ATG4B: variants seen among roughly 807,000 people sequenced by gnomAD.
ATG4B encodes the protein cysteine protease ATG4B.
In ATG4B, 29 loss-of-function variants were observed where a neutral mutation model predicts 56.6. The observed-to-expected ratio is 0.51, with a 90% CI of 0.38 to 0.70. The LOEUF (loss-of-function observed/expected upper bound fraction) is 0.70. Among genes scored for constraint, ATG4B ranks in the 30% least tolerant of loss-of-function variants. The pLI is 0.00. For missense variants in ATG4B, 461 were observed against 515.5 expected (o/e 0.89, Z 1.02); for synonymous variants, 224 against 206.1 (o/e 1.09, Z -0.74).
At chr2:241,648,824 C>G (rs950651491) in intron 1 of ATG4B, among the ~76,000 whole-genome samples, 3 of 152,138 alleles carry the variant, frequency 2.0e-5, no homozygotes, top group African/African-American at 7.2e-5. Context: ...TCTGCCTGCA[C>G]CGAGGGAGAT....
chr2:241,643,653 T>C (rs2067972430), intron 1 of ATG4B, among the ~76,000 whole-genome samples: 1 of 107,386 alleles, frequency 9.3e-6, no homozygotes, highest in Non-Finnish European at 1.8e-5. Context: ...TATGTATAAA[T>C]ATATATATAC....
At chr2:241,660,113 C>T (rs2068545110) in intron 7 of ATG4B, among the ~76,000 whole-genome samples, 1 of 152,202 alleles carries the variant, frequency 6.6e-6, no homozygotes, top group Non-Finnish European at 1.5e-5. Context: ...TCGCTTGAAC[C>T]TGGGAGGCGG....
intron 12 of ATG4B, chr2:241,671,964 G>A: frequency 1.4e-6 from 2 of 1,404,406 alleles, no homozygotes; most frequent in Non-Finnish European, 1.8e-6. Flanking sequence ...CTGAGATTGT[G>A]CCGGCCGCCC....
intron 5 of ATG4B, 134 bp downstream of exon 5, chr2:241,654,781 T>G: frequency 1.4e-6 from 1 of 693,768 alleles, no homozygotes; most frequent in Non-Finnish European, 2.5e-6. Flanking sequence ...CACTGACCTC[T>G]GACCATCTGT....
intron 1 of ATG4B, among the ~76,000 whole-genome samples, chr2:241,644,475 A>G (rs2068003233): frequency 6.6e-6 from 1 of 152,194 alleles, no homozygotes; most frequent in African/African-American, 2.4e-5. Context: ...GCTGTGCCCC[A>G]TTTCATGGGT....
chr2:241,667,889 C>T (rs888199610), intron 8 of ATG4B: 1 of 478,998 alleles, frequency 2.1e-6, no homozygotes, highest in Admixed American at 3.7e-5. Context: ...CAGGCCCCCT[C>T]ACTCCCGGCC....
chr2:241,659,650 G>A (rs2068529877), intron 7 of ATG4B: 1 of 303,626 alleles, frequency 3.3e-6, no homozygotes. Context: ...AGGAACCTGG[G>A]CGTGGCAACA....
At chr2:241,665,887 A>ACT (rs1206416502) in intron 7 of ATG4B, among the ~76,000 whole-genome samples, 1 of 152,104 alleles carries the variant, frequency 6.6e-6, no homozygotes, top group African/African-American at 2.4e-5. Flanking sequence ...GTCACCTGTC[A>ACT]GTCACTGTCA....
In ATG4B at chr2:241,655,103, T is replaced by A. The variant is rs981286418; in HGVS notation, c.386-168T>A. On this transcript the variant is annotated intron_variant, in intron 5 of 12. Coordinates refer to ENST00000404914, the MANE Select transcript of ATG4B (RefSeq NM_013325.5). Reference sequence around the variant, plus strand: ...TAGTGAAGGACAGTCCCTGAGACCTTGTTTGCCCCCTCATGCCTCCCCCGA... The same window carrying A: ...TAGTGAAGGACAGTCCCTGAGACCTAGTTTGCCCCCTCATGCCTCCCCCGA... The A allele has an allele frequency of 6.2e-6, 4 of 644,666 alleles. No individual in the cohort carries two copies. The African/African-American group carries it at 7.3e-5, about 12-fold the overall frequency. 39.9% of individuals were successfully genotyped at this position (644,666 alleles called of 1,614,324 possible).
At chr2:241,670,694 GTCGTGTTCTGC>G in intron 10 of ATG4B, 21 bp from the exon 11 acceptor site, 2 of 1,591,220 alleles carry the variant, frequency 1.3e-6, no homozygotes, top group Non-Finnish European at 1.7e-6. Flanking sequence ...AGATGGGGGT[GTCGTGTTCTGC>G]TCATCGTCAT....
At chr2:241,670,284 G>GT (rs558490959) in intron 10 of ATG4B, among the ~76,000 whole-genome samples, 4 of 151,946 alleles carry the variant, frequency 2.6e-5, no homozygotes, top group Non-Finnish European at 4.4e-5. Context: ...GAGGCTCCCT[G>GT]TGTCACGGTG....
chr2:241,669,178 T>C (rs2068879338), intron 10 of ATG4B, among the ~76,000 whole-genome samples: 2 of 152,214 alleles, frequency 1.3e-5, no homozygotes, highest in South Asian at 2.1e-4. Context: ...CTTCCCTGTT[T>C]TTCCATTTTG....
chr2:241,649,460 G>A (rs2068165153), intron 1 of ATG4B, among the ~76,000 whole-genome samples: 1 of 152,252 alleles, frequency 6.6e-6, no homozygotes, highest in South Asian at 2.1e-4. Context: ...ATTCATATGT[G>A]ATTGATTTTC....
chr2:241,668,918 A>G lies in ATG4B; in HGVS notation c.957+233A>G. On this transcript the variant is annotated intron_variant, in intron 10 of 12. Transcript: ENST00000404914. The surrounding 1 kb of genome is among the most constrained non-coding windows in gnomAD (Gnocchi z 4.2). ...CCTTCATGGCCTTCGAGTGGCCCAG[A>G]GAGCGTGTGTCTGGATGTGAGCGTG... is the stretch of plus-strand genomic sequence containing the variant. The G allele has an allele frequency of 1.7e-6, 1 of 601,564 alleles. No individual in the cohort carries two copies. The highest frequency in any genetic ancestry group is 2.9e-6 in the Non-Finnish European group (1 of 348,840). The allele number at this position is 601,564 out of a possible 1,614,324, so 37.3% of individuals were successfully genotyped here.
chr2:241,664,017 A>G (rs893135149), intron 7 of ATG4B, among the ~76,000 whole-genome samples: 7 of 151,978 alleles, frequency 4.6e-5, no homozygotes, highest in African/African-American at 1.7e-4. Context: ...ACCATATTTC[A>G]CCATGTTGGC....
At chr2:241,659,586 G>A (rs934056425) in intron 7 of ATG4B, 5 of 343,458 alleles carry the variant, frequency 1.5e-5, no homozygotes, top group Admixed American at 8.5e-5. Context: ...AAGGCACGTC[G>A]TGAAGGCAGA....
rs1438402615 is a variant in ATG4B, at chr2:241,666,823, C to T, written c.717C>T (p.Tyr239=). 1.5e-5 allele frequency: 24 copies of T among 1,564,120 alleles called. No homozygotes were observed. Among genetic ancestry groups the T allele is most frequent in the South Asian group, 3.5e-5 (3 of 85,130 alleles). ...GGCTCACGGACATCAACGAGGCCTA[C>T]GTGGAGACGCTGAAGGTGGGTCCTG... ...RLGLTDINEA[Y]VETLKHCFMM... is the part of the protein sequence containing the mutation. Residue 239 remains tyrosine (Y), a synonymous_variant, in exon 8 of 13, where the codon TAC becomes TAT. Transcript: ENST00000404914.
chr2:241,645,730 G>A (rs886984776), intron 1 of ATG4B, among the ~76,000 whole-genome samples: 7 of 152,166 alleles, frequency 4.6e-5, no homozygotes, highest in African/African-American at 1.2e-4. Flanking sequence ...CACTTGCAGC[G>A]TCCTCCACAG....
chr2:241,642,604 G>C (rs1359746399), intron 1 of ATG4B, among the ~76,000 whole-genome samples: 1 of 151,532 alleles, frequency 6.6e-6, no homozygotes, highest in Admixed American at 6.6e-5. Flanking sequence ...TGAATGAAGT[G>C]TAATTGGTAC....
Sources: gnomAD v4.1 joint callset for allele counts (sites outside exome capture counted in the v4.1 genomes callset) on GRCh38, gnomAD v4.1.1 for gene constraint, Gnocchi (gnomAD v3.1) non-coding constraint, MANE v1.5 for transcripts, NCBI Gene and HGNC (gene_info 2026-07-23, HGNC 2026-07-21) for gene names.